The following CDK19 variants were observed in gnomAD, a reference collection of about 807,000 sequenced individuals.
CDK19 encodes the protein cyclin dependent kinase 19.
In CDK19, 20 loss-of-function variants were observed where a neutral mutation model predicts 68.3. The ratio of observed to expected loss-of-function variants is 0.29; its 90% CI spans 0.21 to 0.43. The LOEUF is 0.43. Among genes scored for constraint, CDK19 ranks in the 20% least tolerant of loss-of-function variants. The pLI is 1.00. For synonymous variants in CDK19, 221 were observed against 222.8 expected, an observed-to-expected ratio of 0.99 and a Z score of 0.07; for missense variants, 339 against 623.5, an observed-to-expected ratio of 0.54 and a Z score of 4.86.
At chr6:110,740,290 TCA>T (rs984261920) in intron 2 of CDK19, among the ~76,000 whole-genome samples, 1 of 152,154 alleles carries the variant, frequency 6.6e-6, no homozygotes, top group Non-Finnish European at 1.5e-5. Context: ...AACCTTAAGA[TCA>T]CAGAGGCCAC....
Position 110,621,291 on chromosome 6 carries a change from G to A in CDK19, c.1190C>T (p.Pro397Leu), listed in dbSNP as rs546919397. Residue 397 changes from proline to leucine, a missense_variant, in exon 12 of 13, where the codon CCA (proline) becomes CTA (leucine). Coordinates refer to ENST00000368911, the MANE Select transcript of CDK19 (RefSeq NM_015076.5). This position sits in a 1 kb window ranked among gnomAD's most constrained non-coding sequence, Gnocchi z 5.4. ...QQAAAPPQAP[P>L]PQQNSTQTNG... ...GGTCTGGGTGCTGTTCTGCTGTGGT[G>A]GGGGCGCCTGTGGAGGGGCTGCTGC... is the stretch of plus-strand genomic sequence containing the variant. 12 of 1,610,364 alleles carry A rather than the reference G, an allele frequency of 7.5e-6. No homozygotes were observed. Among genetic ancestry groups the A allele is most frequent in the Non-Finnish European group, 9.3e-6 (11 of 1,178,100 alleles).
At chr6:110,783,879 G>C (rs1780999628) in intron 1 of CDK19, among the ~76,000 whole-genome samples, 1 of 152,112 alleles carries the variant, frequency 6.6e-6, no homozygotes, top group African/African-American at 2.4e-5. Flanking sequence ...GAAAAGGCAG[G>C]CTGGGCACGG....
At chr6:110,623,831 C>CAT (rs938911652) in intron 8 of CDK19, among the ~76,000 whole-genome samples, 2 of 145,966 alleles carry the variant, frequency 1.4e-5, no homozygotes, top group Admixed American at 7.0e-5. Flanking sequence ...TACATATACA[C>CAT]ATATATATAC....
chr6:110,731,196 T>G (rs1004537371), intron 2 of CDK19, among the ~76,000 whole-genome samples: 1 of 152,106 alleles, frequency 6.6e-6, no homozygotes, highest in African/African-American at 2.4e-5. Context: ...CCAGGCCTGC[T>G]GAATGAGAAT....
At chr6:110,765,891 A>G (rs1338316287) in intron 1 of CDK19, among the ~76,000 whole-genome samples, 1 of 152,182 alleles carries the variant, frequency 6.6e-6, no homozygotes, top group African/African-American at 2.4e-5. Context: ...CAAAACCCCA[A>G]TGATATATAT....
At chr6:110,763,658 G>A (rs1029234375) in intron 1 of CDK19, among the ~76,000 whole-genome samples, 13 of 151,720 alleles carry the variant, frequency 8.6e-5, no homozygotes, top group African/African-American at 2.9e-4. Flanking sequence ...CAGGTGAACC[G>A]CCCGCCTCGG....
chr6:110,649,061 T>C (rs1780805928), intron 4 of CDK19, among the ~76,000 whole-genome samples: 5 of 151,810 alleles, frequency 3.3e-5, no homozygotes, highest in African/African-American at 1.2e-4. Context: ...AATTAACCCA[T>C]ATATATAGAT....
chr6:110,648,762 G>C (rs189899055), intron 4 of CDK19, among the ~76,000 whole-genome samples: 1 of 152,020 alleles, frequency 6.6e-6, no homozygotes, highest in Non-Finnish European at 1.5e-5. Context: ...CTGTCGCCCA[G>C]GCTGGAGTGC....
intron 1 of CDK19, among the ~76,000 whole-genome samples, chr6:110,775,544 A>G (rs536484052): frequency 2.6e-5 from 4 of 152,316 alleles, no homozygotes; most frequent in South Asian, 2.1e-4. Context: ...CCTTGTTCCA[A>G]TATCAAAATA....
At chr6:110,666,650 C>T (rs1781963246) in intron 4 of CDK19, among the ~76,000 whole-genome samples, 1 of 151,952 alleles carries the variant, frequency 6.6e-6, no homozygotes, top group South Asian at 2.1e-4. Context: ...TGGAATTTAC[C>T]TAGATGTATC....
chr6:110,617,662 T>TATATACAC (rs755618032), intron 12 of CDK19, among the ~76,000 whole-genome samples: 1,281 of 107,088 alleles, frequency 0.012, 16 homozygotes, highest in Non-Finnish European at 0.015. Context: ...TATATATATA[T>TATATACAC]ACACACACAC....
At chr6:110,626,971 A>G in intron 7 of CDK19, 31 bp downstream of exon 7, 1 of 1,579,548 alleles carries the variant, frequency 6.3e-7, no homozygotes. Flanking sequence ...ATATGACTCA[A>G]AATATGACTT....
chr6:110,644,217 C>T (rs1780391667), intron 4 of CDK19, among the ~76,000 whole-genome samples: 1 of 151,106 alleles, frequency 6.6e-6, no homozygotes, highest in South Asian at 2.1e-4. Context: ...GCTTTAACCC[C>T]AGAGGCGGAG....
At position 110,740,200 on chromosome 6, in the gene CDK19, C is replaced by T. The variant is rs533250000; in HGVS notation, c.204+5926G>A. ...TTTTCTATATTGTCTGCTAATTTTA[C>T]GACAAACATATTTTAATCTCATAAT... On this transcript the variant is annotated intron_variant, in intron 2 of 12. Transcript: ENST00000368911. Among the ~76,000 whole-genome samples, 7 of 152,116 alleles carry T rather than the reference C, an allele frequency of 4.6e-5. 1 individual carries two copies. The South Asian group carries it at 1.2e-3, about 27-fold the overall frequency.
At chr6:110,722,318 T>C (rs1014548436) in intron 2 of CDK19, 1 of 152,100 alleles carries the variant, frequency 6.6e-6, no homozygotes, top group Non-Finnish European at 1.5e-5. Flanking sequence ...CTCTGTATCA[T>C]TCCAATTTTA....
chr6:110,714,663 G>A (rs960051792), intron 2 of CDK19, among the ~76,000 whole-genome samples: 6 of 150,272 alleles, frequency 4.0e-5, no homozygotes, highest in Admixed American at 6.6e-5. Context: ...TAATGACGTT[G>A]AGCATCTTTT....
intron 4 of CDK19, among the ~76,000 whole-genome samples, chr6:110,659,713 G>T (rs1386095243): frequency 6.6e-6 from 1 of 152,210 alleles, no homozygotes; most frequent in Non-Finnish European, 1.5e-5. Flanking sequence ...TGGTTCGACA[G>T]CAGGGAGGGG....
intron 2 of CDK19, among the ~76,000 whole-genome samples, chr6:110,698,416 T>C (rs947644071): frequency 1.3e-5 from 2 of 151,818 alleles, no homozygotes; most frequent in African/African-American, 4.8e-5. Context: ...ATGCTCAACA[T>C]CACTAATCAT....
intron 12 of CDK19, among the ~76,000 whole-genome samples, chr6:110,617,660 TATACAC>T (rs1434441301): frequency 4.5e-5 from 3 of 66,834 alleles, no homozygotes; most frequent in South Asian, 7.4e-4. Context: ...TTTATATATA[TATACAC>T]ACACACACAC....
Sources: gnomAD v4.1 joint callset for allele counts (sites outside exome capture counted in the v4.1 genomes callset) on GRCh38, gnomAD v4.1.1 for gene constraint, Gnocchi (gnomAD v3.1) non-coding constraint, MANE v1.5 for transcripts, NCBI Gene and HGNC (gene_info 2026-07-23, HGNC 2026-07-21) for gene names.